Variants in PAQR5 observed in about 807,000 individuals in gnomAD.
The protein encoded by PAQR5 is membrane progestin receptor gamma.
In PAQR5, 20 loss-of-function variants were observed where a neutral mutation model predicts 34.5. That is an observed-to-expected ratio of 0.58 (90% CI 0.41 to 0.84). The LOEUF is 0.84. Among genes scored for constraint, PAQR5 ranks in the 40% least tolerant of loss-of-function variants. The pLI, the probability that PAQR5 is intolerant of heterozygous loss-of-function variation, is 0.00. For synonymous variants in PAQR5, 131 were observed against 155.6 expected (o/e 0.84, Z 1.18); for missense variants, 378 against 412.7 (o/e 0.92, Z 0.73).
chr15:69,334,769 G>A (rs776670253), intron 1 of PAQR5, among the ~76,000 whole-genome samples: 9 of 89,436 alleles, frequency 1.0e-4, no homozygotes, highest in Non-Finnish European at 2.4e-4. Flanking sequence ...TATGGCTTTT[G>A]TTAAAGGGAA....
At chr15:69,324,525 T>A (rs897144378) in intron 1 of PAQR5, among the ~76,000 whole-genome samples, 2 of 152,216 alleles carry the variant, frequency 1.3e-5, no homozygotes, top group African/African-American at 4.8e-5. Context: ...CAGTAAATGA[T>A]GGAGCCAGGG....
chr15:69,395,379 C>T (rs981431756), intron 6 of PAQR5, among the ~76,000 whole-genome samples: 3 of 152,222 alleles, frequency 2.0e-5, no homozygotes, highest in African/African-American at 4.8e-5. Context: ...CTTATTGGCT[C>T]ATCTGACTTC....
chr15:69,313,800 A>G lies in PAQR5; in HGVS notation c.-277+14744A>G, dbSNP rs370146250. On this transcript the variant is annotated intron_variant, in intron 1 of 8. Transcript: ENST00000395407. ...TGACAGGTGAGCAGGTGAGCCGCCT[A>G]AGAAGGAAAGGGACAGGAGGCAATG... is the stretch of plus-strand genomic sequence containing the variant. Among the ~76,000 whole-genome samples the G allele has an allele frequency of 4.7e-4, 71 of 152,192 alleles. 1 individual carries two copies. The highest frequency in any genetic ancestry group is 1.5e-3 in the African/African-American group (62 of 41,522).
At chr15:69,336,879 G>T (rs2054526531) in intron 1 of PAQR5, among the ~76,000 whole-genome samples, 1 of 152,134 alleles carries the variant, frequency 6.6e-6, no homozygotes. Flanking sequence ...ATGTAAAATT[G>T]TTGTATGCCA....
chr15:69,395,597 G>C (rs1274307533), intron 6 of PAQR5, among the ~76,000 whole-genome samples: 1 of 152,198 alleles, frequency 6.6e-6, no homozygotes, highest in Non-Finnish European at 1.5e-5. Flanking sequence ...CTGTGACAAG[G>C]CACAGTCATT....
chr15:69,391,215 T>A (rs990614821), intron 6 of PAQR5: 1 of 153,278 alleles, frequency 6.5e-6, no homozygotes, highest in Non-Finnish European at 1.5e-5. Context: ...TCCAGAATGA[T>A]TTTGTCTCCA....
chr15:69,394,444 C>T (rs750051748), intron 6 of PAQR5, among the ~76,000 whole-genome samples: 3 of 152,204 alleles, frequency 2.0e-5, no homozygotes, highest in Non-Finnish European at 4.4e-5. Context: ...TAACTACCGC[C>T]CCCATGTACA....
intron 7 of PAQR5, among the ~76,000 whole-genome samples, chr15:69,399,625 T>G (rs2056561235): frequency 6.6e-6 from 1 of 152,272 alleles, no homozygotes; most frequent in Non-Finnish European, 1.5e-5. Flanking sequence ...ATAGGATTTT[T>G]TGTCTTTCTT....
chr15:69,362,280 T>G (rs1313518991), intron 3 of PAQR5, among the ~76,000 whole-genome samples: 1 of 152,170 alleles, frequency 6.6e-6, no homozygotes, highest in Non-Finnish European at 1.5e-5. Context: ...AACATCACAC[T>G]TTGCAGCCAC....
chr15:69,357,818 ACAACTT>A (rs1333830912), intron 2 of PAQR5, among the ~76,000 whole-genome samples: 2 of 152,162 alleles, frequency 1.3e-5, no homozygotes, highest in African/African-American at 4.8e-5. Context: ...TAAAAACAAA[ACAACTT>A]CAAGTTCAAA....
intron 1 of PAQR5, among the ~76,000 whole-genome samples, chr15:69,331,082 C>T (rs111521618): frequency 0.02 from 3,024 of 151,758 alleles, 45 homozygotes; most frequent in Non-Finnish European, 0.031. Flanking sequence ...CCTGGGGCGA[C>T]GTTCCTTAAC....
intron 6 of PAQR5, among the ~76,000 whole-genome samples, chr15:69,395,884 A>C (rs1176106236): frequency 6.6e-6 from 1 of 152,090 alleles, no homozygotes; most frequent in Non-Finnish European, 1.5e-5. Context: ...AAGAAACACG[A>C]AAGTGGGCTG....
intron 2 of PAQR5, among the ~76,000 whole-genome samples, chr15:69,347,013 G>A (rs945079570): frequency 4.6e-5 from 7 of 151,902 alleles, no homozygotes; most frequent in Non-Finnish European, 1.0e-4. Context: ...GTACAGATGA[G>A]GTTTCACCAC....
chr15:69,394,054 T>C (rs1465755866), intron 6 of PAQR5, among the ~76,000 whole-genome samples: 2 of 152,032 alleles, frequency 1.3e-5, no homozygotes, highest in African/African-American at 2.4e-5. Context: ...AAGTACTGTA[T>C]GGACAAATCA....
In PAQR5 at chr15:69,359,963, C is replaced by T; in HGVS notation, c.-115-3C>T. ...TGGATTTCTTCATGCTGTCCTCTTTCAGGGAAGCGGCACAGCACCAGCTAG... is the reference window on the plus strand; with the variant it reads ...TGGATTTCTTCATGCTGTCCTCTTTTAGGGAAGCGGCACAGCACCAGCTAG... On this transcript the variant is annotated splice_region_variant and splice_polypyrimidine_tract_variant and intron_variant, in intron 2 of 8. Coordinates refer to ENST00000395407, the MANE Select transcript of PAQR5 (RefSeq NM_017705.4). The T allele has an allele frequency of 1.3e-6, 1 of 755,830 alleles. No homozygotes were observed. Among genetic ancestry groups the T allele is most frequent in the African/African-American group, 1.7e-5 (1 of 57,670 alleles). The allele number at this position is 755,830 out of a possible 1,614,324, so 46.8% of individuals were successfully genotyped here. A position where few individuals can be genotyped will look rare whatever the true frequency, so the allele number is the denominator to read the frequency against.
At chr15:69,355,368 C>T (rs184835911) in intron 2 of PAQR5, among the ~76,000 whole-genome samples, 157 of 58,656 alleles carry the variant, frequency 2.7e-3, no homozygotes, top group African/African-American at 7.0e-3. Context: ...TTCTTTCTTT[C>T]TTTCTTTCTT....
intron 8 of PAQR5, among the ~76,000 whole-genome samples, chr15:69,402,442 A>T (rs2056662190): frequency 6.6e-6 from 1 of 151,168 alleles, no homozygotes; most frequent in African/African-American, 2.4e-5. Flanking sequence ...CTCAGCCTCC[A>T]GAGTAGCTGG....
intron 2 of PAQR5, among the ~76,000 whole-genome samples, chr15:69,352,747 G>A (rs1356173296): frequency 2.0e-5 from 3 of 152,230 alleles, no homozygotes; most frequent in Non-Finnish European, 2.9e-5. Context: ...CTTGGAAGCA[G>A]AAATGGCCAG....
chr15:69,401,685 T>A (rs912845724), intron 8 of PAQR5, among the ~76,000 whole-genome samples: 1 of 152,198 alleles, frequency 6.6e-6, no homozygotes, highest in Non-Finnish European at 1.5e-5. Flanking sequence ...GGGGGACATT[T>A]CCTAGAAAAT....
Sources: allele counts gnomAD v4.1 joint callset (sites outside exome capture counted in the v4.1 genomes callset), GRCh38; gene constraint gnomAD v4.1.1; transcripts MANE v1.5; gene names NCBI Gene and HGNC (gene_info 2026-07-23, HGNC 2026-07-21).